Variants in COPE observed in about 807,000 individuals in gnomAD.
COPE encodes the protein coat protein complex I subunit epsilon, also known as coatomer subunit epsilon.
Under a neutral mutation model 42.1 loss-of-function variants are expected in COPE, and 19 were observed. The observed-to-expected ratio is 0.45, with a 90% confidence interval of 0.31 to 0.66. The LOEUF (loss-of-function observed/expected upper bound fraction) is 0.66. Ranked by LOEUF, COPE falls within the 30% of genes least tolerant of loss-of-function variation. The pLI, the probability that COPE is intolerant of heterozygous loss-of-function variation, is 0.05. For missense variants in COPE, 402 were observed against 416.1 expected (o/e 0.97, Z 0.30); for synonymous variants, 195 against 181.3 (o/e 1.08, Z -0.60).
intron 3 of COPE, among the ~76,000 whole-genome samples, chr19:18,909,581 C>A (rs1475383034): frequency 6.7e-6 from 1 of 150,024 alleles, no homozygotes; most frequent in Non-Finnish European, 1.5e-5. Flanking sequence ...TGCACTAGTG[C>A]GATCTTGGCT....
At chr19:18,912,767 T>C (rs1601231328) in intron 2 of COPE, among the ~76,000 whole-genome samples, 1 of 147,808 alleles carries the variant, frequency 6.8e-6, no homozygotes, top group Non-Finnish European at 1.5e-5. Flanking sequence ...ATCAAGAAGC[T>C]GTGACCCAGG....
intron 4 of COPE, 82 bp downstream of exon 4, chr19:18,906,878 C>A (rs2056764515): frequency 7.0e-7 from 1 of 1,435,114 alleles, no homozygotes; most frequent in Admixed American, 2.4e-5. Flanking sequence ...TGACGACAGC[C>A]AGCGAGGCCG....
chr19:18,915,756 T>G (rs2056848827), intron 1 of COPE, among the ~76,000 whole-genome samples: 1 of 152,140 alleles, frequency 6.6e-6, no homozygotes, highest in Admixed American at 6.6e-5. Context: ...CTCCCTTCTG[T>G]CCCTGTAGCC....
intron 3 of COPE, among the ~76,000 whole-genome samples, chr19:18,907,719 A>G (rs1308727388): frequency 6.6e-6 from 1 of 152,240 alleles, no homozygotes; most frequent in Admixed American, 6.5e-5. Context: ...CAGACCCTCC[A>G]TTCCCCATGG....
intron 6 of COPE, 54 bp downstream of exon 6, chr19:18,904,717 C>A: frequency 6.7e-7 from 1 of 1,493,768 alleles, no homozygotes; most frequent in Non-Finnish European, 9.1e-7. Context: ...TGCCCACAGA[C>A]CCTGCTCAGC....
chr19:18,903,962 G>T (rs531844734), intron 6 of COPE, among the ~76,000 whole-genome samples: 7 of 152,182 alleles, frequency 4.6e-5, no homozygotes, highest in African/African-American at 9.7e-5. Context: ...GGGCAGGGAC[G>T]GGGAGCACAT....
chr19:18,910,927 A>G (rs1309822076), intron 3 of COPE, 44 bp downstream of exon 3: 8 of 1,558,550 alleles, frequency 5.1e-6, no homozygotes, highest in Non-Finnish European at 7.1e-6. Context: ...CAGGCCTTGA[A>G]GATGGCCCCG....
intron 2 of COPE, among the ~76,000 whole-genome samples, chr19:18,912,484 C>T (rs967160824): frequency 2.0e-5 from 3 of 150,506 alleles, no homozygotes; most frequent in Non-Finnish European, 3.0e-5. Flanking sequence ...ATCGGCTGGG[C>T]GCGTTGGCTC....
chr19:18,904,774 G>T lies in COPE; in HGVS notation c.576C>A (p.Ala192=). The T allele has an allele frequency of 6.4e-7, 1 of 1,552,316 alleles. No individual in the cohort carries two copies. Among genetic ancestry groups the T allele is most frequent in the South Asian group, 1.2e-5 (1 of 84,134 alleles). ...CACCTCATGGCCTAGGGCTCACCGT[G>T]GCCAGGCTGACCCAGGCAGTGGCGA... ...TQLATAWVSL[A]TGGEKLQDAY... The change falls in exon 6 of 10, where the codon GCC becomes GCA. Residue 192 remains alanine, a synonymous_variant. Coordinates refer to ENST00000262812, the MANE Select transcript of COPE (RefSeq NM_007263.4).
intron 7 of COPE, among the ~76,000 whole-genome samples, chr19:18,902,765 A>AAGG (rs2056716443): frequency 2.2e-5 from 1 of 46,406 alleles, no homozygotes; most frequent in African/African-American, 1.8e-4. Flanking sequence ...GGAAGGAAGG[A>AAGG]AGGGAAAGAA....
intron 1 of COPE, among the ~76,000 whole-genome samples, chr19:18,918,483 G>A (rs985050784): frequency 1.3e-5 from 2 of 152,108 alleles, no homozygotes; most frequent in Non-Finnish European, 2.9e-5. Context: ...TTGTCACCCA[G>A]GCTGGAGTGC....
chr19:18,907,858 G>A (rs1487577804), intron 3 of COPE, among the ~76,000 whole-genome samples: 1 of 152,218 alleles, frequency 6.6e-6, no homozygotes, highest in Non-Finnish European at 1.5e-5. Context: ...TGTCTGCCCA[G>A]GGCCCGTGTC....
At chr19:18,909,668 C>A (rs2056792910) in intron 3 of COPE, among the ~76,000 whole-genome samples, 1 of 152,050 alleles carries the variant, frequency 6.6e-6, no homozygotes, top group Admixed American at 6.6e-5. Flanking sequence ...ACAGACATCA[C>A]ATCCTGTTAA....
rs567353385 is a variant in COPE at position 18,905,836 on chromosome 19, A to G, written c.444-207T>C. ...CCCAGGAGCTCTGGGGGAGGTACCC[A>G]GGATGGGGTTTCAGGCCCCGGCCCA... On this transcript the variant is annotated intron_variant, in intron 4 of 9. Coordinates refer to ENST00000262812, the MANE Select transcript of COPE (RefSeq NM_007263.4). 8.8e-6 allele frequency: 5 copies of G among 565,576 alleles called. No individual in the cohort carries two copies. In the Admixed American group the frequency reaches 1.8e-4, roughly 21 times the overall value. 35.0% of individuals were successfully genotyped at this position (565,576 alleles called of 1,614,324 possible). A position where few individuals can be genotyped will look rare whatever the true frequency, so the allele number is the denominator to read the frequency against.
At chr19:18,911,742 C>T (rs1157890762) in intron 2 of COPE, among the ~76,000 whole-genome samples, 3 of 151,292 alleles carry the variant, frequency 2.0e-5, no homozygotes, top group East Asian at 1.9e-4. Flanking sequence ...TTAGTAGAGA[C>T]GGGGTTTCAC....
At chr19:18,913,356 G>C (rs1017354218) in intron 1 of COPE, among the ~76,000 whole-genome samples, 1 of 152,188 alleles carries the variant, frequency 6.6e-6, no homozygotes, top group African/African-American at 2.4e-5. Flanking sequence ...TCTGGACATG[G>C]GGCCACTGTG....
At chr19:18,914,282 G>A (rs192742885) in intron 1 of COPE, among the ~76,000 whole-genome samples, 9 of 152,270 alleles carry the variant, frequency 5.9e-5, no homozygotes, top group Admixed American at 5.2e-4. Flanking sequence ...GCTCATGCCT[G>A]TAATCCCAGC....
At chr19:18,903,846 CAG>C (rs1384743752) in intron 6 of COPE, among the ~76,000 whole-genome samples, 1 of 152,220 alleles carries the variant, frequency 6.6e-6, no homozygotes. Flanking sequence ...GAGGCCAAGG[CAG>C]GCAGTGAAAA....
At chr19:18,904,247 G>C (rs1206126879) in intron 6 of COPE, among the ~76,000 whole-genome samples, 1 of 152,238 alleles carries the variant, frequency 6.6e-6, no homozygotes, top group Admixed American at 6.5e-5. Context: ...TTACAGGCGT[G>C]AGCCACTGCG....
Sources: gnomAD v4.1 joint callset for allele counts (sites outside exome capture counted in the v4.1 genomes callset) on GRCh38, gnomAD v4.1.1 for gene constraint, MANE v1.5 for transcripts, NCBI Gene and HGNC (gene_info 2026-07-23, HGNC 2026-07-21) for gene names.